NLRP5: variants seen among roughly 807,000 people sequenced by gnomAD.
NLRP5 encodes the protein NACHT, LRR and PYD domains-containing protein 5.
Under a neutral mutation model 113.1 loss-of-function variants are expected in NLRP5, and 93 were observed. The ratio of observed to expected loss-of-function variants is 0.82; its 90% CI spans 0.70 to 0.98. The LOEUF is 0.98. Among genes scored for constraint, NLRP5 ranks in the 50% least tolerant of loss-of-function variants. The probability of loss-of-function intolerance (pLI) is 0.00; values close to 1 mark genes in which losing one functional copy is unlikely to be tolerated. For missense variants in NLRP5, 1,808 were observed against 1,514.3 expected, an observed-to-expected ratio of 1.19 and a Z score of -3.22; for synonymous variants, 751 against 600.7, an observed-to-expected ratio of 1.25 and a Z score of -3.66.
intron 4 of NLRP5, among the ~76,000 whole-genome samples, chr19:56,018,905 T>C (rs1421599003): frequency 1.3e-5 from 2 of 152,216 alleles, no homozygotes; most frequent in Non-Finnish European, 2.9e-5. Context: ...GTTACTCTCC[T>C]GCTTCAGCCT....
intron 11 of NLRP5, among the ~76,000 whole-genome samples, chr19:56,050,131 T>C (rs1211664426): frequency 6.6e-6 from 1 of 151,862 alleles, no homozygotes; most frequent in Non-Finnish European, 1.5e-5. Context: ...AATACAAAAA[T>C]TAGCCAGGCG....
At chr19:56,053,038 A>C (rs1983988856) in intron 12 of NLRP5, among the ~76,000 whole-genome samples, 1 of 152,120 alleles carries the variant, frequency 6.6e-6, no homozygotes, top group South Asian at 2.1e-4. Flanking sequence ...TGGAGGTTGC[A>C]GTGAGCCGAT....
chr19:55,998,889 G>T (rs1471621924), upstream of NLRP5, among the ~76,000 whole-genome samples: 2 of 151,402 alleles, frequency 1.3e-5, no homozygotes, highest in East Asian at 3.9e-4. Flanking sequence ...AAGCTAACAT[G>T]TCCATTGCCT....
chr19:56,053,449 C>T (rs994680312), intron 12 of NLRP5, among the ~76,000 whole-genome samples, 189 bp from the exon 13 acceptor site: 1 of 152,134 alleles, frequency 6.6e-6, no homozygotes, highest in Non-Finnish European at 1.5e-5. Flanking sequence ...AGACACTTTC[C>T]CCGCCTCCGC....
upstream of NLRP5, among the ~76,000 whole-genome samples, chr19:55,998,714 G>GTGTA (rs796632835): frequency 1.7e-4 from 13 of 75,986 alleles, no homozygotes; most frequent in South Asian, 5.2e-3. Context: ...GTGTGTGTGT[G>GTGTA]TATATATATA....
Position 56,032,600 on chromosome 19 carries a change from C to T in NLRP5, c.2277-11C>T, listed in dbSNP as rs1458006911. ...TCCCATGAGCCCATGTTTCTATCCC[C>T]CCTGACATAGGATGCGGGATAAGAC... On this transcript the variant is annotated splice_polypyrimidine_tract_variant and intron_variant, in intron 7 of 14. Transcript: ENST00000390649. 7.5e-6 allele frequency: 12 copies of T among 1,608,072 alleles called. No individual in the cohort carries two copies. The highest frequency in any genetic ancestry group is 1.0e-5 in the Non-Finnish European group (12 of 1,176,158).
At chr19:56,001,980 A>T (rs1261207177) in intron 1 of NLRP5, among the ~76,000 whole-genome samples, 2 of 152,212 alleles carry the variant, frequency 1.3e-5, no homozygotes, top group African/African-American at 4.8e-5. Flanking sequence ...ATGACAAGAA[A>T]AAAGGAAATT....
chr19:56,001,187 C>T (rs112676366), intron 1 of NLRP5, among the ~76,000 whole-genome samples: 10,113 of 146,972 alleles, frequency 0.069, 454 homozygotes, highest in East Asian at 0.19. Flanking sequence ...AGGCCTGGTG[C>T]AGTGATGCAA....
In NLRP5 at chr19:56,004,056, C is replaced by A; in HGVS notation, c.403C>A (p.Leu135Met). ...CATTAGCATCTTTGAAAACATGAAC[C>A]TGCGAACCCTCTCGGAGAAGGCACG... Residue 135 changes from leucine (L) to methionine (M), a missense_variant, in exon 2 of 15, where the codon CTG becomes ATG. Transcript: ENST00000390649. The A allele has an allele frequency of 1.2e-6, 2 of 1,612,980 alleles. No individual in the cohort carries two copies. The highest frequency in any genetic ancestry group is 1.7e-6 in the Non-Finnish European group (2 of 1,179,348).
At chr19:55,998,672 G>GTGTGTGTGTATA (rs1474569739), upstream of NLRP5, among the ~76,000 whole-genome samples, 2 of 105,968 alleles carry the variant, frequency 1.9e-5, no homozygotes, top group Admixed American at 1.1e-4. Context: ...GTGTGTGTGT[G>GTGTGTGTGTATA]TATATATATA....
chr19:56,034,003 C>G (rs906855947), intron 9 of NLRP5, among the ~76,000 whole-genome samples: 4 of 152,206 alleles, frequency 2.6e-5, no homozygotes, highest in African/African-American at 7.2e-5. Context: ...CTCCTGGGCT[C>G]AGGTGGTCCT....
chr19:56,021,419 C>T (rs1335852429), intron 6 of NLRP5, among the ~76,000 whole-genome samples: 2 of 152,164 alleles, frequency 1.3e-5, no homozygotes, highest in Non-Finnish European at 2.9e-5. Context: ...CAACTGTCAT[C>T]ACTAATTCCA....
Position 56,027,798 on chromosome 19 carries a change from TG to T in NLRP5, c.1567del (p.Glu523ArgfsTer6). On this transcript the variant is annotated frameshift_variant, in exon 7 of 15. Coordinates refer to ENST00000390649, the MANE Select transcript of NLRP5 (RefSeq NM_153447.4). LOFTEE classifies it high-confidence loss of function. ...GGCGTGGTCCGGCGCTGTCTCAATC[TG>T]GAGGAAAGAGTTGTCCTGAAGCGCT... The T allele has an allele frequency of 6.2e-7, 1 of 1,614,044 alleles. No individual in the cohort carries two copies. The highest frequency in any genetic ancestry group is 8.5e-7 in the Non-Finnish European group (1 of 1,179,902).
chr19:56,044,427 G>C (rs574466233), intron 11 of NLRP5, among the ~76,000 whole-genome samples: 1 of 152,174 alleles, frequency 6.6e-6, no homozygotes. Flanking sequence ...TTCATTCTCC[G>C]ACATGTGGCT....
chr19:56,017,725 T>C lies in NLRP5; in HGVS notation c.566-1617T>C, dbSNP rs1982462024. ...GTTGAGAAGGGCATGTTTTCTGCTGTTGGGTGGAGCGTTGGTTTGATATCT... is the reference window on the plus strand; with the variant it reads ...GTTGAGAAGGGCATGTTTTCTGCTGCTGGGTGGAGCGTTGGTTTGATATCT... On this transcript the variant is annotated intron_variant, in intron 4 of 14. Transcript: ENST00000390649. Among the ~76,000 whole-genome samples, 3 of 152,340 alleles carry C rather than the reference T, an allele frequency of 2.0e-5. No homozygotes were observed. In the South Asian group the frequency reaches 6.2e-4, roughly 32 times the overall value.
At chr19:56,013,193 G>GT (rs1227515069) in intron 3 of NLRP5, among the ~76,000 whole-genome samples, 2 of 151,884 alleles carry the variant, frequency 1.3e-5, no homozygotes, top group African/African-American at 4.8e-5. Context: ...TAATGTTTTT[G>GT]TTTTTTGTTT....
chr19:56,046,546 G>GT (rs60012701), intron 11 of NLRP5, among the ~76,000 whole-genome samples: 293 of 148,568 alleles, frequency 2.0e-3, no homozygotes, highest in South Asian at 8.8e-3. Flanking sequence ...ACCACTTCTT[G>GT]TTTTTTTTTT....
chr19:56,026,789 T>A, intron 6 of NLRP5, 124 bp from the exon 7 acceptor site: 1 of 947,754 alleles, frequency 1.1e-6, no homozygotes, highest in South Asian at 1.7e-5. Context: ...TTGACCAGGC[T>A]GGTCTCAAAC....
intron 11 of NLRP5, among the ~76,000 whole-genome samples, chr19:56,050,049 G>T (rs1043920847): frequency 1.8e-4 from 27 of 152,140 alleles, no homozygotes; most frequent in Non-Finnish European, 2.2e-4. Flanking sequence ...GGAGGCCAAG[G>T]TGGGCAGATC....
Sources: gnomAD v4.1 joint callset for allele counts (sites outside exome capture counted in the v4.1 genomes callset) on GRCh38, gnomAD v4.1.1 for gene constraint, MANE v1.5 for transcripts, NCBI Gene and HGNC (gene_info 2026-07-23, HGNC 2026-07-21) for gene names.